The following P3H3 variants were observed in gnomAD, a reference collection of about 807,000 sequenced individuals.
P3H3 encodes the protein prolyl 3-hydroxylase 3, also known as gene rich cluster, B.
A neutral mutation model predicts 78.1 loss-of-function variants in P3H3; 64 were observed. The observed-to-expected ratio is 0.82, with a 90% CI of 0.67 to 1.01. P3H3 has a LOEUF of 1.01. P3H3 is among the 50% of genes least tolerant of loss of function. P3H3 has a pLI of 0.00. For missense variants in P3H3, 975 were observed against 982.2 expected (o/e 0.99, Z 0.10); for synonymous variants, 425 against 416.7 (o/e 1.02, Z -0.24).
At position 6,829,082 on chromosome 12, in the gene P3H3, C is replaced by G. The variant is rs1943419445; in HGVS notation, c.498+144C>G. The G allele has an allele frequency of 6.2e-6, 3 of 484,518 alleles. No homozygotes were observed. The highest frequency in any genetic ancestry group is 2.2e-4 in the South Asian group (2 of 8,906). The allele number at this position is 484,518 out of a possible 1,614,324, so 30.0% of individuals were successfully genotyped here. ...CGTACCGCGGGCCTCTGCGTAGGAG[C>G]TGGCTAAGCGACCGCGAGGACCTCT... is the stretch of plus-strand genomic sequence containing the variant. On this transcript the variant is annotated intron_variant, in intron 1 of 14. Coordinates refer to ENST00000290510, the MANE Select transcript of P3H3 (RefSeq NM_014262.5). The surrounding 1 kb of genome is among the most constrained non-coding windows in gnomAD (Gnocchi z 5.1).
Position 6,830,494 on chromosome 12 carries a change from G to C in P3H3, c.793G>C (p.Gly265Arg), listed in dbSNP as rs929722306. ...ADCEGPEEQQ[G>R]AEEEEDGAAS... ...CTGTGAGGGGCCTGAGGAGCAGCAG[G>C]GGGCTGAAGAAGAGGAGGATGGGGC... The change falls in exon 3 of 15, where the codon GGG (glycine) becomes CGG (arginine). Residue 265 changes from glycine (G) to arginine (R), a missense_variant. Gly to Arg is a moderately radical substitution (Grantham distance 125). Coordinates refer to ENST00000290510, the MANE Select transcript of P3H3 (RefSeq NM_014262.5). The C allele has an allele frequency of 9.5e-6, 15 of 1,584,858 alleles. No homozygotes were observed. Among genetic ancestry groups the C allele is most frequent in the Non-Finnish European group, 1.3e-5 (15 of 1,166,588 alleles).
At chr12:6,838,239 C>T (rs1447649385) in intron 13 of P3H3, among the ~76,000 whole-genome samples, 2 of 152,328 alleles carry the variant, frequency 1.3e-5, no homozygotes, top group East Asian at 3.9e-4. Context: ...ATTTGTCTCG[C>T]CTCCTAAAGA....
chr12:6,837,271 A>G, intron 10 of P3H3, 152 bp from the exon 11 acceptor site: 1 of 1,140,040 alleles, frequency 8.8e-7, no homozygotes, highest in Non-Finnish European at 1.2e-6. Flanking sequence ...TGTCATGGAG[A>G]GAGAAGGAGC....
At chr12:6,830,901 C>G (rs1472462679) in intron 4 of P3H3, 131 bp downstream of exon 4, 1 of 1,351,660 alleles carries the variant, frequency 7.4e-7, no homozygotes, top group Non-Finnish European at 1.1e-6. Context: ...GGAACCATCA[C>G]TTCACAAGGA....
At chr12:6,835,268 A>G (rs1943485435) in intron 9 of P3H3, among the ~76,000 whole-genome samples, 1 of 152,156 alleles carries the variant, frequency 6.6e-6, no homozygotes, top group Non-Finnish European at 1.5e-5. Flanking sequence ...GAGTTAGCAC[A>G]TGATAAAGCT....
At position 6,831,333 on chromosome 12, in the gene P3H3, C is replaced by A. The variant is rs374459485; in HGVS notation, c.1103C>A (p.Pro368His). 1.2e-6 allele frequency: 2 copies of A among 1,613,770 alleles called. No homozygotes were observed. The highest frequency in any genetic ancestry group is 1.7e-6 in the Non-Finnish European group (2 of 1,179,862). Residue 368 changes from proline to histidine, a missense_variant, in exon 5 of 15, where the codon CCT becomes CAT. Pro to His is a moderately conservative substitution (Grantham distance 77). Coordinates refer to ENST00000290510, the MANE Select transcript of P3H3 (RefSeq NM_014262.5). The surrounding 1 kb of genome is among the most constrained non-coding windows in gnomAD (Gnocchi z 4.6). The part of the protein sequence containing the change: ...QYQAQLGEPR[P>H]GLGPREDIQR... ...CAGGCCCAGCTGGGAGAGCCGAGAC[C>A]TGGCCTCGGACCCAGAGAGGTAATC...
chr12:6,830,579 T>C (rs1435863066), intron 3 of P3H3, 25 bp downstream of exon 3: 2 of 1,578,424 alleles, frequency 1.3e-6, no homozygotes, highest in Non-Finnish European at 1.7e-6. Context: ...TGTGAGGGGG[T>C]GGGTCGGTGC....
chr12:6,828,484 CT>C lies in P3H3; in HGVS notation c.45del (p.Pro17ArgfsTer9). The C allele has an allele frequency of 7.7e-7, 1 of 1,296,856 alleles. No homozygotes were observed. The highest frequency in any genetic ancestry group is 1.0e-6 in the Non-Finnish European group (1 of 969,294). The allele number at this position is 1,296,856 out of a possible 1,614,324, so 80.3% of individuals were successfully genotyped here. A position where few individuals can be genotyped will look rare whatever the true frequency, so the allele number is the denominator to read the frequency against. ...LRPLLLLLLL[P>X]PPGSPEPPGL... ...CCGCTGCTGCTACTGCTGCTGCTGC[CT>C]CCCCCGGGGTCCCCTGAGCCCCCCG... On this transcript the variant is annotated frameshift_variant, in exon 1 of 15. Transcript: ENST00000290510. LOFTEE classifies it high-confidence loss of function.
At chr12:6,828,993 C>A in intron 1 of P3H3, 55 bp downstream of exon 1, 1 of 1,041,430 alleles carries the variant, frequency 9.6e-7, no homozygotes, top group Non-Finnish European at 1.2e-6. Context: ...CGACGCTGTC[C>A]TACTTTGCGT....
rs868961041 is a variant in P3H3, at chr12:6,830,655, C to T, written c.870C>T (p.Val290=). 1.9e-6 allele frequency: 3 copies of T among 1,612,490 alleles called. No homozygotes were observed. The highest frequency in any genetic ancestry group is 2.5e-6 in the Non-Finnish European group (3 of 1,179,346). The change falls in exon 4 of 15, where the codon GTC becomes GTT. Residue 290 remains valine (V), a synonymous_variant. Coordinates refer to ENST00000290510, the MANE Select transcript of P3H3 (RefSeq NM_014262.5). ...CCTCTGCAGGACACTGGATTCAGGT[C>T]CTGCAGTGCCGGCAACGCTGTGTGG... ...YEAIAGHWIQ[V]LQCRQRCVGE...
At position 6,833,947 on chromosome 12, in the gene P3H3, G is replaced by C; in HGVS notation, c.1356G>C (p.Val452=). The change falls in exon 9 of 15, where the codon GTG becomes GTC. Residue 452 remains valine, a synonymous_variant. Transcript: ENST00000290510. ...YWKDVLLLEG[V]TLTQDSRQLN... ...CAGATGTCCTTCTCCTGGAGGGTGTGACCTTGACCCAGGATTCCAGGCAGC... is the reference window on the plus strand; with the variant it reads ...CAGATGTCCTTCTCCTGGAGGGTGTCACCTTGACCCAGGATTCCAGGCAGC... The C allele has an allele frequency of 6.2e-7, 1 of 1,613,964 alleles. No individual in the cohort carries two copies. The highest frequency in any genetic ancestry group is 1.1e-5 in the South Asian group (1 of 91,076).
Position 6,829,718 on chromosome 12 carries a change from G to A in P3H3, c.499-141G>A. The stretch of plus-strand genomic sequence containing the variant: ...AGGGGATCTGCAGTTCGGGCGGTGG[G>A]CGGTTCTGATTGGCCAGTCTTCCAT... On this transcript the variant is annotated intron_variant, in intron 1 of 14. Transcript: ENST00000290510. This position sits in a 1 kb window ranked among gnomAD's most constrained non-coding sequence, Gnocchi z 5.1. 3.6e-6 allele frequency: 3 copies of A among 822,876 alleles called. No homozygotes were observed. Among genetic ancestry groups the A allele is most frequent in the South Asian group, 1.5e-5 (1 of 67,744 alleles). The allele number at this position is 822,876 out of a possible 1,614,324, so 51.0% of individuals were successfully genotyped here.
intron 6 of P3H3, among the ~76,000 whole-genome samples, chr12:6,832,308 G>A (rs1475407964): frequency 6.6e-6 from 1 of 152,190 alleles, no homozygotes; most frequent in African/African-American, 2.4e-5. Context: ...GGTTATCTAT[G>A]GCTAGGACTA....
At chr12:6,830,247 G>A (rs1245272069) in intron 2 of P3H3, 106 bp from the exon 3 acceptor site, 21 of 1,143,432 alleles carry the variant, frequency 1.8e-5, no homozygotes, top group Admixed American at 1.7e-4. Flanking sequence ...CGGTGAAGAG[G>A]GACATGGAGT....
In P3H3 at chr12:6,839,034, C is replaced by T. The variant is rs1555122642; in HGVS notation, c.1940C>T (p.Ala647Val). The change falls in exon 14 of 15, where the codon GCC (alanine) becomes GTC (valine). Residue 647 changes from alanine to valine, a missense_variant. By Grantham distance (64) the Ala-to-Val change is moderately conservative. Coordinates refer to ENST00000290510, the MANE Select transcript of P3H3 (RefSeq NM_014262.5). ...CGTCCTCGCTGTGGGCGCCTTGTGG[C>T]CTTCAGCTCCGGTGTCGAGAATCCC... ...RVRPRCGRLVAFSSGVENPHG... is the reference protein window; with the variant it reads ...RVRPRCGRLVVFSSGVENPHG... 1.2e-6 allele frequency: 2 copies of T among 1,610,896 alleles called. No individual in the cohort carries two copies. The highest frequency in any genetic ancestry group is 2.2e-5 in the East Asian group (1 of 44,874).
Position 6,831,271 on chromosome 12 carries a change from G to A in P3H3, c.1041G>A (p.Pro347=), listed in dbSNP as rs781817957. Reference sequence around the variant, plus strand: ...TCCTGAGTGTCCTGCTCTTCTACCCGGAGGATGAGGCTGCCAAGAGGGCTC... The same window carrying A: ...TCCTGAGTGTCCTGCTCTTCTACCCAGAGGATGAGGCTGCCAAGAGGGCTC... ...ENVLSVLLFY[P]EDEAAKRALN... The change falls in exon 5 of 15, where the codon CCG becomes CCA. Residue 347 remains proline, a synonymous_variant. Transcript: ENST00000290510. This position sits in a 1 kb window ranked among gnomAD's most constrained non-coding sequence, Gnocchi z 4.6. The A allele has an allele frequency of 4.8e-5, 77 of 1,613,704 alleles. 1 individual carries two copies. The South Asian group carries it at 6.1e-4, about 13-fold the overall frequency.
At chr12:6,833,546 AG>A (rs1943468634) in intron 6 of P3H3, 45 bp from the exon 7 acceptor site, 1 of 1,582,686 alleles carries the variant, frequency 6.3e-7, no homozygotes, top group East Asian at 2.2e-5. Flanking sequence ...CAGGGATTCC[AG>A]GGGCTGACCT....
chr12:6,836,830 G>GC (rs1943502543), intron 9 of P3H3, among the ~76,000 whole-genome samples, 155 bp from the exon 10 acceptor site: 2 of 152,302 alleles, frequency 1.3e-5, no homozygotes, highest in Middle Eastern at 3.4e-3. Flanking sequence ...GCACTCTCTG[G>GC]GAAAGAGCAG....
intron 6 of P3H3, chr12:6,833,338 G>C (rs782145668): frequency 1.4e-4 from 73 of 533,442 alleles, no homozygotes; most frequent in African/African-American, 1.2e-3. Context: ...AACTTTAAAG[G>C]ATAAATTCCA....
Sources: gnomAD v4.1 joint callset for allele counts (sites outside exome capture counted in the v4.1 genomes callset) on GRCh38, gnomAD v4.1.1 for gene constraint, Gnocchi (gnomAD v3.1) non-coding constraint, MANE v1.5 for transcripts, NCBI Gene and HGNC (gene_info 2026-07-23, HGNC 2026-07-21) for gene names.